Variants in HMGXB3 observed in about 807,000 individuals in gnomAD.
HMGXB3 encodes HMG-box containing 3, also known as HMG domain-containing protein 3.
Under a neutral mutation model 121.5 loss-of-function variants are expected in HMGXB3, and 45 were observed. That is an observed-to-expected ratio of 0.37 (90% CI 0.29 to 0.47). The LOEUF (loss-of-function observed/expected upper bound fraction) is 0.47. HMGXB3 is among the 20% of genes least tolerant of loss of function. The probability of loss-of-function intolerance (pLI) is 0.99; values close to 1 mark genes in which losing one functional copy is unlikely to be tolerated. For synonymous variants in HMGXB3, 590 were observed against 624.1 expected (o/e 0.95, Z 0.81); for missense variants, 1,376 against 1,602.2 (o/e 0.86, Z 2.41).
chr5:150,015,430 G>A (rs1287072562), intron 5 of HMGXB3, among the ~76,000 whole-genome samples: 1 of 152,156 alleles, frequency 6.6e-6, no homozygotes, highest in Admixed American at 6.5e-5. Flanking sequence ...GACCACAGGT[G>A]CATACCACCA....
At position 150,045,454 on chromosome 5, in the gene HMGXB3, C is replaced by A; in HGVS notation, c.2731-12C>A. 6.5e-7 allele frequency: 1 copy of A among 1,549,512 alleles called. No homozygotes were observed. The highest frequency in any genetic ancestry group is 1.2e-5 in the South Asian group (1 of 83,994). On this transcript the variant is annotated splice_polypyrimidine_tract_variant and intron_variant, in intron 15 of 19. Transcript: ENST00000502717. ...CTCCCACAGTTTGACCTTCTTTATC[C>A]TGACCTTCTAGTTCACCTGGCCTGA...
chr5:150,041,776 T>C lies in HMGXB3; in HGVS notation c.2546-9T>C. On this transcript the variant is annotated splice_polypyrimidine_tract_variant and intron_variant, in intron 14 of 19. Coordinates refer to ENST00000502717, the MANE Select transcript of HMGXB3 (RefSeq NM_014983.3). Reference sequence around the variant, plus strand: ...TGTGCCCTTCTCAGTGTTCTTGCTCTTCTTTCAGAGAAGACTCTGACCTCG... The same window carrying C: ...TGTGCCCTTCTCAGTGTTCTTGCTCCTCTTTCAGAGAAGACTCTGACCTCG... The C allele has an allele frequency of 1.9e-6, 3 of 1,549,730 alleles. 1 individual carries two copies. In the South Asian group the frequency reaches 3.6e-5, roughly 18 times the overall value.
chr5:150,039,849 T>A (rs1756585507), intron 13 of HMGXB3, among the ~76,000 whole-genome samples: 1 of 152,264 alleles, frequency 6.6e-6, no homozygotes, highest in African/African-American at 2.4e-5. Flanking sequence ...CCTTCTTCAC[T>A]GGGAACACAT....
chr5:150,031,335 T>C (rs1561872813), intron 10 of HMGXB3, among the ~76,000 whole-genome samples: 1 of 152,270 alleles, frequency 6.6e-6, no homozygotes, highest in Non-Finnish European at 1.5e-5. Context: ...ATAACACATA[T>C]TAACGTCCTA....
intron 13 of HMGXB3, among the ~76,000 whole-genome samples, chr5:150,039,654 C>T (rs1045176197): frequency 3.9e-5 from 6 of 151,984 alleles, no homozygotes; most frequent in Non-Finnish European, 8.8e-5. Flanking sequence ...TGACAGTTTT[C>T]TCCCAGTTTA....
At chr5:150,042,647 G>A (rs111898333) in intron 15 of HMGXB3, among the ~76,000 whole-genome samples, 35 of 152,252 alleles carry the variant, frequency 2.3e-4, no homozygotes, top group African/African-American at 8.4e-4. Flanking sequence ...TCCAGACAGT[G>A]CAGGAGGCCG....
chr5:150,012,042 T>G lies in HMGXB3; in HGVS notation c.811-213T>G, dbSNP rs75109157. Among the ~76,000 whole-genome samples the G allele has an allele frequency of 2.8e-3, 429 of 152,366 alleles. 3 individuals carry two copies. Among genetic ancestry groups the G allele is most frequent in the African/African-American group, 9.4e-3 (392 of 41,590 alleles). ...GTCTTAGAACCTCAGTTTTCTCATCTATAAAATAAACATAGCACACTTCCT... is the reference window on the plus strand; with the variant it reads ...GTCTTAGAACCTCAGTTTTCTCATCGATAAAATAAACATAGCACACTTCCT... On this transcript the variant is annotated intron_variant, in intron 4 of 19. Coordinates refer to ENST00000502717, the MANE Select transcript of HMGXB3 (RefSeq NM_014983.3).
intron 9 of HMGXB3, among the ~76,000 whole-genome samples, chr5:150,028,576 T>TCCTCCAGAAACAAGGTC (rs1756300713): frequency 7.8e-6 from 1 of 128,050 alleles, no homozygotes; most frequent in African/African-American, 3.2e-5. Flanking sequence ...TTTTTTTTTT[T>TCCTCCAGAAACAAGGTC]TTCCTCCAGA....
At chr5:150,022,905 G>A (rs1327495381) in intron 6 of HMGXB3, among the ~76,000 whole-genome samples, 1 of 150,960 alleles carries the variant, frequency 6.6e-6, no homozygotes, top group Non-Finnish European at 1.5e-5. Flanking sequence ...CAGCCTCCTG[G>A]GGTCAAGTGA....
intron 5 of HMGXB3, among the ~76,000 whole-genome samples, 184 bp downstream of exon 5, chr5:150,012,537 T>C (rs1755865028): frequency 6.6e-6 from 1 of 152,236 alleles, no homozygotes; most frequent in Admixed American, 6.5e-5. Context: ...CCATATGTTC[T>C]TAATGGGGGT....
At chr5:150,008,069 A>T (rs959429272) in intron 3 of HMGXB3, among the ~76,000 whole-genome samples, 79 of 147,166 alleles carry the variant, frequency 5.4e-4, no homozygotes, top group African/African-American at 1.7e-3. Flanking sequence ...ACACACACAC[A>T]CACACACACA....
At chr5:150,003,321 G>A (rs143306471) in intron 1 of HMGXB3, among the ~76,000 whole-genome samples, 5 of 152,210 alleles carry the variant, frequency 3.3e-5, no homozygotes, top group African/African-American at 7.2e-5. Flanking sequence ...CAGTAGAGAT[G>A]GATAGCAGTG....
At position 150,050,440 on chromosome 5, in the gene HMGXB3, T is replaced by C. The variant is rs1756863818; in HGVS notation, c.3390T>C (p.Ser1130=). 3 of 1,551,332 alleles carry C rather than the reference T, an allele frequency of 1.9e-6. No individual in the cohort carries two copies. Among genetic ancestry groups the C allele is most frequent in the African/African-American group, 2.7e-5 (2 of 73,060 alleles). The change falls in exon 19 of 20, where the codon TCT becomes TCC. Residue 1130 remains serine, a synonymous_variant. Coordinates refer to ENST00000502717, the MANE Select transcript of HMGXB3 (RefSeq NM_014983.3). ...GGGGGAGGAACCAGGGCTGTTTCTCTAGCCCCACAGAGCCACCTGTGGTGA... is the reference window on the plus strand; with the variant it reads ...GGGGGAGGAACCAGGGCTGTTTCTCCAGCCCCACAGAGCCACCTGTGGTGA... ...QMWGRNQGCF[S]SPTEPPVSVS... is the part of the protein sequence containing the mutation.
intron 3 of HMGXB3, 135 bp downstream of exon 3, chr5:150,006,782 C>A: frequency 1.3e-6 from 1 of 750,906 alleles, no homozygotes; most frequent in Non-Finnish European, 2.1e-6. Context: ...TGACTCTGGG[C>A]TTGCTTGTTT....
intron 11 of HMGXB3, among the ~76,000 whole-genome samples, chr5:150,033,429 C>T (rs1360462329): frequency 1.3e-5 from 2 of 152,132 alleles, no homozygotes; most frequent in African/African-American, 4.8e-5. Context: ...ATACTTAAGT[C>T]TCTCCCACTA....
intron 5 of HMGXB3, among the ~76,000 whole-genome samples, chr5:150,012,861 A>T (rs892211468): frequency 2.0e-5 from 3 of 152,196 alleles, no homozygotes; most frequent in Non-Finnish European, 2.9e-5. Context: ...ACTATTATAA[A>T]TGGCATTTTT....
intron 11 of HMGXB3, among the ~76,000 whole-genome samples, chr5:150,035,864 G>A (rs551361523): frequency 2.5e-4 from 38 of 152,156 alleles, no homozygotes; most frequent in Non-Finnish European, 4.7e-4. Context: ...AGAAGCCACC[G>A]AGAATTAAAG....
chr5:150,026,594 T>C (rs1411807853), intron 7 of HMGXB3, 112 bp from the exon 8 acceptor site: 1 of 886,512 alleles, frequency 1.1e-6, no homozygotes, highest in African/African-American at 1.7e-5. Flanking sequence ...TGTCTAAAGC[T>C]TGACAGTTTA....
intron 10 of HMGXB3, among the ~76,000 whole-genome samples, chr5:150,032,200 C>T (rs1280982921): frequency 6.6e-6 from 1 of 152,240 alleles, no homozygotes; most frequent in Admixed American, 6.5e-5. Flanking sequence ...ATTTGAGTTT[C>T]TGACCATTGA....
Sources: gnomAD v4.1 joint callset for allele counts (sites outside exome capture counted in the v4.1 genomes callset) on GRCh38, gnomAD v4.1.1 for gene constraint, MANE v1.5 for transcripts, NCBI Gene and HGNC (gene_info 2026-07-23, HGNC 2026-07-21) for gene names.